Variants in COL15A1 observed in about 807,000 individuals in gnomAD.
COL15A1 encodes collagen alpha-1(XV) chain.
Under a neutral mutation model 165.9 loss-of-function variants are expected in COL15A1, and 111 were observed. The observed-to-expected ratio is 0.67, with a 90% CI of 0.57 to 0.78. COL15A1 has a LOEUF of 0.78. Among genes scored for constraint, COL15A1 ranks in the 30% least tolerant of loss-of-function variants. The pLI is 0.00. For synonymous variants in COL15A1, 659 were observed against 674.8 expected, an observed-to-expected ratio of 0.98 and a Z score of 0.36; for missense variants, 1,745 against 1,789.7, an observed-to-expected ratio of 0.98 and a Z score of 0.45.
chr9:98,948,563 A>C (rs1192328266), intron 2 of COL15A1, among the ~76,000 whole-genome samples: 1 of 142,020 alleles, frequency 7.0e-6, no homozygotes, highest in Non-Finnish European at 1.5e-5. Context: ...GCGCCACTGC[A>C]CTCCAGCCTG....
intron 16 of COL15A1, 100 bp downstream of exon 16, chr9:99,026,066 C>A: frequency 8.9e-7 from 1 of 1,126,080 alleles, no homozygotes; most frequent in Non-Finnish European, 1.2e-6. Flanking sequence ...GTGACTGACC[C>A]CCTGGCCTCC....
At position 99,070,335 on chromosome 9, in the gene COL15A1, C is replaced by T; in HGVS notation, c.*449C>T. ...ATCAAATGCTTTTTTCTTTCACGTA[C>T]ATCCATCATTTGCAACTGCTGTTCG... On this transcript the variant is annotated 3_prime_UTR_variant, in exon 42 of 42. Coordinates refer to ENST00000375001, the MANE Select transcript of COL15A1 (RefSeq NM_001855.5). 4.2e-6 allele frequency: 1 copy of T among 236,878 alleles called. No individual in the cohort carries two copies. 14.7% of individuals were successfully genotyped at this position (236,878 alleles called of 1,614,324 possible).
intron 39 of COL15A1, 58 bp downstream of exon 39, chr9:99,063,167 A>G (rs1464051113): frequency 6.6e-7 from 1 of 1,512,030 alleles, no homozygotes; most frequent in African/African-American, 1.4e-5. Flanking sequence ...GCTAAGTGCT[A>G]GGTCTCATGC....
rs1205630659 is a variant in COL15A1, at chr9:98,971,486, C to A, written c.101-14079C>A. 2.0e-5 allele frequency among the ~76,000 whole-genome samples: 3 copies of A among 152,090 alleles called. No individual in the cohort carries two copies. The South Asian group carries it at 6.2e-4, about 32-fold the overall frequency. ...TCCGTACACCGAGAAGAGCTGACAA[C>A]GAAACTCTTCCCAGATGCCCATGGG... is the stretch of plus-strand genomic sequence containing the variant. On this transcript the variant is annotated intron_variant, in intron 2 of 41. Transcript: ENST00000375001.
Position 98,999,716 on chromosome 9 carries a change from C to T in COL15A1, c.953-1123C>T, listed in dbSNP as rs191150750. On this transcript the variant is annotated intron_variant, in intron 6 of 41. Transcript: ENST00000375001. ...TTTATTTTTAGTAGAGATGGGGTCT[C>T]GCTATGTTGCCAAGACTGGTCATGA... Among the ~76,000 whole-genome samples, 304 of 151,920 alleles carry T rather than the reference C, an allele frequency of 2.0e-3. 2 individuals carry two copies. Among genetic ancestry groups the T allele is most frequent in the African/African-American group, 6.4e-3 (267 of 41,416 alleles).
At chr9:98,998,889 G>A (rs556231540) in intron 6 of COL15A1, among the ~76,000 whole-genome samples, 5 of 152,298 alleles carry the variant, frequency 3.3e-5, no homozygotes, top group East Asian at 1.9e-4. Flanking sequence ...TAGACAGCCC[G>A]GATGGTGGGA....
intron 36 of COL15A1, among the ~76,000 whole-genome samples, chr9:99,060,950 T>A (rs1825806302): frequency 1.3e-5 from 2 of 152,212 alleles, no homozygotes; most frequent in Admixed American, 1.3e-4. Flanking sequence ...GTCCTTGTGC[T>A]GGTCAGATTT....
rs141775032 is a variant in COL15A1 at position 99,049,719 on chromosome 9, C to G, written c.2823C>G (p.Gly941=). The change falls in exon 29 of 42, where the codon GGC becomes GGG. Residue 941 remains glycine, a synonymous_variant. Coordinates refer to ENST00000375001, the MANE Select transcript of COL15A1 (RefSeq NM_001855.5). Reference sequence around the variant, plus strand: ...CACCTGGCTTACCTGGCCCTCCAGGCCCCCCTGGGCCACCTGGAGCTGTGA... The same window carrying G: ...CACCTGGCTTACCTGGCCCTCCAGGGCCCCCTGGGCCACCTGGAGCTGTGA... ...QGPPGLPGPP[G]PPGPPGAVIN... 2.1e-5 allele frequency: 34 copies of G among 1,613,894 alleles called. No individual in the cohort carries two copies. The African/African-American group carries it at 4.1e-4, about 20-fold the overall frequency.
intron 2 of COL15A1, among the ~76,000 whole-genome samples, chr9:98,982,610 G>T (rs1290095953): frequency 7.7e-6 from 1 of 129,118 alleles, no homozygotes; most frequent in East Asian, 2.8e-4. Context: ...CTAGATGACA[G>T]TGATGACGAT....
intron 23 of COL15A1, chr9:99,041,022 G>A (rs1018362353): frequency 1.2e-5 from 2 of 171,484 alleles, no homozygotes; most frequent in African/African-American, 2.4e-5. Context: ...CCAAGACCTG[G>A]GGCACATTTC....
intron 9 of COL15A1, among the ~76,000 whole-genome samples, chr9:99,013,087 G>A (rs77532138): frequency 0.11 from 16,290 of 152,040 alleles, 1,038 homozygotes; most frequent in East Asian, 0.25. Context: ...TGCTGGTTGC[G>A]GGTGAGACTC....
In COL15A1 at chr9:99,003,463, C is replaced by A; in HGVS notation, c.1076C>A (p.Ala359Glu). Residue 359 changes from alanine to glutamate, a missense_variant, in exon 8 of 42, where the codon GCA (alanine) becomes GAA (glutamate). Coordinates refer to ENST00000375001, the MANE Select transcript of COL15A1 (RefSeq NM_001855.5). ...LDIAEEKNLAATAAGLAEVPI... is the reference protein window; with the variant it reads ...LDIAEEKNLAETAAGLAEVPI... ...TGCCTTTGTTTTCAGAATTTAGCAG[C>A]AACAGCAGCGGGGCTGGCCGAGGTG... is the stretch of plus-strand genomic sequence containing the variant. 6.6e-7 allele frequency: 1 copy of A among 1,512,192 alleles called. No individual in the cohort carries two copies. Among genetic ancestry groups the A allele is most frequent in the Non-Finnish European group, 8.9e-7 (1 of 1,128,842 alleles). The allele number at this position is 1,512,192 out of a possible 1,614,324, so 93.7% of individuals were successfully genotyped here. A position where few individuals can be genotyped will look rare whatever the true frequency, so the allele number is the denominator to read the frequency against.
chr9:98,952,285 G>C (rs1377033737), intron 2 of COL15A1, among the ~76,000 whole-genome samples: 1 of 152,068 alleles, frequency 6.6e-6, no homozygotes, highest in Admixed American at 6.5e-5. Context: ...GAGTACTCAG[G>C]GAATATTATA....
At chr9:98,949,846 C>T (rs564099779) in intron 2 of COL15A1, among the ~76,000 whole-genome samples, 5 of 152,290 alleles carry the variant, frequency 3.3e-5, no homozygotes, top group African/African-American at 1.2e-4. Flanking sequence ...CTCCCCATTC[C>T]CTCATTTTCT....
chr9:98,953,587 A>T (rs574754657), intron 2 of COL15A1, among the ~76,000 whole-genome samples: 2 of 152,258 alleles, frequency 1.3e-5, no homozygotes, highest in African/African-American at 2.4e-5. Flanking sequence ...TCCAGTTCAT[A>T]TTTGTTGCAT....
chr9:98,945,496 A>G (rs936859611), intron 2 of COL15A1, among the ~76,000 whole-genome samples: 12 of 151,726 alleles, frequency 7.9e-5, no homozygotes, highest in African/African-American at 2.7e-4. Context: ...GAATAAGGGA[A>G]CAGAAAGTCT....
chr9:99,067,164 A>G, intron 40 of COL15A1, 97 bp downstream of exon 40: 2 of 1,075,172 alleles, frequency 1.9e-6, no homozygotes, highest in East Asian at 5.0e-5. Flanking sequence ...AAGACTGTTG[A>G]CTTAAGCCTG....
intron 9 of COL15A1, among the ~76,000 whole-genome samples, chr9:99,012,218 G>A (rs1453410940): frequency 6.6e-6 from 1 of 152,148 alleles, no homozygotes; most frequent in Non-Finnish European, 1.5e-5. Context: ...AAAAGCATTT[G>A]GGTTTATCAT....
chr9:98,968,929 G>A (rs1341884374), intron 2 of COL15A1, among the ~76,000 whole-genome samples: 1 of 152,130 alleles, frequency 6.6e-6, no homozygotes, highest in East Asian at 1.9e-4. Flanking sequence ...TACTGGCTAT[G>A]TTATAGCATT....
Sources: gnomAD v4.1 joint callset for allele counts (sites outside exome capture counted in the v4.1 genomes callset) on GRCh38, gnomAD v4.1.1 for gene constraint, MANE v1.5 for transcripts, NCBI Gene and HGNC (gene_info 2026-07-23, HGNC 2026-07-21) for gene names.